CFAP20DC: variants seen among roughly 807,000 people sequenced by gnomAD.
CFAP20DC encodes the protein protein CFAP20DC.
In CFAP20DC, 84 loss-of-function variants were observed where a neutral mutation model predicts 101.7. The observed-to-expected ratio is 0.83, with a 90% confidence interval of 0.69 to 0.99. The LOEUF (loss-of-function observed/expected upper bound fraction) is 0.99, where lower values mean the gene tolerates loss of function less well. Among genes scored for constraint, CFAP20DC ranks in the 50% least tolerant of loss-of-function variants. CFAP20DC has a pLI of 0.00. For missense variants in CFAP20DC, 1,007 were observed against 970.3 expected, an observed-to-expected ratio of 1.04 and a Z score of -0.50; for synonymous variants, 359 against 351.2, an observed-to-expected ratio of 1.02 and a Z score of -0.25.
intron 4 of CFAP20DC, among the ~76,000 whole-genome samples, chr3:58,992,038 A>C (rs2092957109): frequency 1.3e-5 from 2 of 152,212 alleles, no homozygotes; most frequent in South Asian, 4.1e-4. Context: ...TTTTGTTTCT[A>C]TAATGCTTGT....
intron 4 of CFAP20DC, among the ~76,000 whole-genome samples, chr3:58,958,831 G>A (rs1038003150): frequency 9.9e-5 from 15 of 151,674 alleles, no homozygotes; most frequent in Admixed American, 2.0e-4. Flanking sequence ...AATTGTAATT[G>A]TAAAAATTTT....
intron 13 of CFAP20DC, among the ~76,000 whole-genome samples, chr3:58,839,092 T>C (rs2076929597): frequency 6.6e-6 from 1 of 152,222 alleles, no homozygotes; most frequent in Non-Finnish European, 1.5e-5. Context: ...CTTGAACTGT[T>C]TTAGAATGTA....
intron 4 of CFAP20DC, among the ~76,000 whole-genome samples, chr3:59,010,632 G>A (rs1358980250): frequency 5.3e-5 from 8 of 152,166 alleles, no homozygotes; most frequent in African/African-American, 1.9e-4. Context: ...ATACTCCACT[G>A]ACAACATTAG....
rs377170974 is a variant in CFAP20DC, at chr3:58,879,497, T to G, written c.715+5048A>C. Among the ~76,000 whole-genome samples the G allele has an allele frequency of 2.1e-3, 315 of 152,272 alleles. 1 individual carries two copies. Among genetic ancestry groups the G allele is most frequent in the African/African-American group, 7.1e-3 (297 of 41,552 alleles). ...AAATACCCTAATCTGCTCAAATTAT[T>G]TGGCTATCATTCATTCATTTAATCA... On this transcript the variant is annotated intron_variant, in intron 7 of 16. Coordinates refer to ENST00000482387, the MANE Select transcript of CFAP20DC (RefSeq NM_001394063.1).
intron 4 of CFAP20DC, among the ~76,000 whole-genome samples, chr3:58,963,319 A>G (rs2091303603): frequency 6.6e-6 from 1 of 150,486 alleles, no homozygotes; most frequent in Non-Finnish European, 1.5e-5. Flanking sequence ...TATTTTGTCC[A>G]GTTTTACTAT....
At chr3:58,933,339 C>G (rs544356253) in intron 5 of CFAP20DC, among the ~76,000 whole-genome samples, 3 of 151,022 alleles carry the variant, frequency 2.0e-5, no homozygotes, top group African/African-American at 7.3e-5. Flanking sequence ...TTTAACACCC[C>G]ACTGTCAACA....
chr3:58,895,478 T>G (rs184782467), intron 6 of CFAP20DC, among the ~76,000 whole-genome samples: 11 of 152,324 alleles, frequency 7.2e-5, no homozygotes, highest in African/African-American at 2.2e-4. Flanking sequence ...GCTCCAGTTC[T>G]CAACAAGTTC....
Position 58,753,845 on chromosome 3 carries a change from C to A in CFAP20DC, c.2256G>T (p.Leu752Phe), listed in dbSNP as rs781436779. 2.5e-6 allele frequency: 4 copies of A among 1,611,556 alleles called. No individual in the cohort carries two copies. Among genetic ancestry groups the A allele is most frequent in the Non-Finnish European group, 3.4e-6 (4 of 1,178,458 alleles). The change falls in exon 16 of 17, where the codon TTG becomes TTT. Residue 752 changes from leucine (L) to phenylalanine (F), a missense_variant. Transcript: ENST00000482387. ...GACTGGGAGGAACGATTGGTGGGCT[C>A]AACATATTTAACCAGTCCCTAAAAA... ...PSNPRDWLNM[L>F]SPPIVPPSQQ...
chr3:58,873,580 T>C (rs1223459765), intron 7 of CFAP20DC, among the ~76,000 whole-genome samples: 1 of 151,176 alleles, frequency 6.6e-6, no homozygotes. Flanking sequence ...TGGATAGCTA[T>C]GGTGGATGCT....
chr3:58,852,842 G>C (rs547331154), intron 12 of CFAP20DC, among the ~76,000 whole-genome samples: 1 of 150,902 alleles, frequency 6.6e-6, no homozygotes, highest in Admixed American at 6.6e-5. Flanking sequence ...GCAGTGTGTA[G>C]AGGGAAATTT....
rs183185531 is a variant in CFAP20DC, at chr3:58,732,972, C to T, written c.198-15344G>A. Among the ~76,000 whole-genome samples, 9 of 152,302 alleles carry T rather than the reference C, an allele frequency of 5.9e-5. No individual in the cohort carries two copies. Among genetic ancestry groups the T allele is most frequent in the African/African-American group, 1.9e-4 (8 of 41,558 alleles). On this transcript the variant is annotated intron_variant, in intron 3 of 3. Coordinates refer to the CFAP20DC transcript ENST00000486145. The surrounding 1 kb of genome is among the most constrained non-coding windows in gnomAD (Gnocchi z 5.4). ...CTATAATTTCTTAACATAATCTTAT[C>T]CAATCATTAGAAAAACCTCATTAAT... is the stretch of plus-strand genomic sequence containing the variant.
intron 15 of CFAP20DC, among the ~76,000 whole-genome samples, chr3:58,761,157 T>A (rs2069546202): frequency 6.6e-6 from 1 of 152,210 alleles, no homozygotes. Flanking sequence ...TGTGAATCCA[T>A]CTGGTTCTGG....
At position 58,722,042 on chromosome 3, in the gene CFAP20DC, T is replaced by C. The variant is rs2067480255; in HGVS notation, c.198-4414A>G. Among the ~76,000 whole-genome samples, 1 of 152,240 alleles carries C rather than the reference T, an allele frequency of 6.6e-6. No individual in the cohort carries two copies. Among genetic ancestry groups the C allele is most frequent in the Admixed American group, 6.5e-5 (1 of 15,294 alleles). On this transcript the variant is annotated intron_variant, in intron 3 of 3. Transcript: ENST00000486145. The surrounding 1 kb of genome is among the most constrained non-coding windows in gnomAD (Gnocchi z 4.5). ...AAGGTCATGAGCTTTGTTTTCTTTT[T>C]ACCTAGCTCACTTGGAACATTTGCT...
At chr3:58,876,494 A>G (rs2080765348) in intron 7 of CFAP20DC, among the ~76,000 whole-genome samples, 1 of 152,100 alleles carries the variant, frequency 6.6e-6, no homozygotes, top group African/African-American at 2.4e-5. Context: ...AAAAATCAAG[A>G]TTAGATTAAA....
chr3:58,958,459 T>C (rs572554040), intron 4 of CFAP20DC, among the ~76,000 whole-genome samples: 169 of 152,292 alleles, frequency 1.1e-3, no homozygotes, highest in Non-Finnish European at 2.0e-3. Context: ...GTTTCCACGT[T>C]TGGCCAACCT....
chr3:58,908,696 C>T (rs1055611665), intron 6 of CFAP20DC, among the ~76,000 whole-genome samples: 2 of 152,112 alleles, frequency 1.3e-5, no homozygotes, highest in South Asian at 2.1e-4. Context: ...AAACCCCACA[C>T]AAAAATGTTT....
At chr3:58,762,361 C>G (rs1008975250) in intron 15 of CFAP20DC, among the ~76,000 whole-genome samples, 23 of 152,128 alleles carry the variant, frequency 1.5e-4, no homozygotes, top group African/African-American at 5.5e-4. Flanking sequence ...GATTGCAACC[C>G]CCGCATTTTT....
chr3:58,986,231 C>T (rs1251573212), intron 4 of CFAP20DC, among the ~76,000 whole-genome samples: 1 of 152,112 alleles, frequency 6.6e-6, no homozygotes, highest in Non-Finnish European at 1.5e-5. Flanking sequence ...AAGCCAGGGC[C>T]AGTCAGCTAT....
Position 58,899,848 on chromosome 3 carries a change from G to A in CFAP20DC, c.550+13860C>T, listed in dbSNP as rs569164714. Among the ~76,000 whole-genome samples, 2 of 152,270 alleles carry A rather than the reference G, an allele frequency of 1.3e-5. No individual in the cohort carries two copies. Among genetic ancestry groups the A allele is most frequent in the East Asian group, 3.9e-4 (2 of 5,162 alleles). Reference sequence around the variant, plus strand: ...GAGAACCTGGATATTTCAGCTGAGGGTGCTGAACTCACTTGCCACTTTCAC... The same window carrying A: ...GAGAACCTGGATATTTCAGCTGAGGATGCTGAACTCACTTGCCACTTTCAC... On this transcript the variant is annotated intron_variant, in intron 6 of 16. Transcript: ENST00000482387. The surrounding 1 kb of genome is among the most constrained non-coding windows in gnomAD (Gnocchi z 5.0).
Sources: allele counts gnomAD v4.1 joint callset (sites outside exome capture counted in the v4.1 genomes callset), GRCh38; gene constraint gnomAD v4.1.1; non-coding constraint Gnocchi (gnomAD v3.1); transcripts MANE v1.5; gene names NCBI Gene and HGNC (gene_info 2026-07-23, HGNC 2026-07-21).